Variants in TBC1D1 observed in about 807,000 individuals in gnomAD.
TBC1D1 encodes TBC1 (tre-2/USP6, BUB2, cdc16) domain family, member 1.
In TBC1D1, 89 loss-of-function variants were observed where a neutral mutation model predicts 125.6. The ratio of observed to expected loss-of-function variants is 0.71; its 90% CI spans 0.60 to 0.85. The LOEUF (loss-of-function observed/expected upper bound fraction) is 0.85, where lower values mean the gene tolerates loss of function less well. Ranked by LOEUF, TBC1D1 falls within the 40% of genes least tolerant of loss-of-function variation. TBC1D1 has a pLI of 0.00. For missense variants in TBC1D1, 1,377 were observed against 1,469.2 expected (o/e 0.94, Z 1.03); for synonymous variants, 565 against 564.1 (o/e 1.00, Z -0.02).
At chr4:37,919,393 G>A (rs1720442955) in intron 2 of TBC1D1, among the ~76,000 whole-genome samples, 1 of 150,948 alleles carries the variant, frequency 6.6e-6, no homozygotes, top group Non-Finnish European at 1.5e-5. Context: ...ACTGTGTTGG[G>A]TAGGCTGTTC....
At position 38,020,489 on chromosome 4, in the gene TBC1D1, TAAA is replaced by T. The variant is rs917858783; in HGVS notation, c.973-99_973-97del. Reference sequence around the variant, plus strand: ...GTAAAATTCCATCTCAAAAAGATAATAAAAAGTAAAATAAATTGTGCTGTATAA... The same window carrying T: ...GTAAAATTCCATCTCAAAAAGATAATAAGTAAAATAAATTGTGCTGTATAA... On this transcript the variant is annotated intron_variant, in intron 4 of 19. Coordinates refer to ENST00000261439, the MANE Select transcript of TBC1D1 (RefSeq NM_015173.4). The T allele has an allele frequency of 5.3e-6, 5 of 938,652 alleles. No homozygotes were observed. The African/African-American group carries it at 8.3e-5, about 16-fold the overall frequency. The allele number at this position is 938,652 out of a possible 1,614,324, so 58.1% of individuals were successfully genotyped here.
At chr4:38,003,777 A>T (rs1739526966) in intron 2 of TBC1D1, among the ~76,000 whole-genome samples, 1 of 151,732 alleles carries the variant, frequency 6.6e-6, no homozygotes, top group Admixed American at 6.6e-5. Context: ...CTGAAATGGG[A>T]TAATCGCTCA....
At chr4:37,920,292 C>G (rs910772137) in intron 2 of TBC1D1, among the ~76,000 whole-genome samples, 1 of 152,062 alleles carries the variant, frequency 6.6e-6, no homozygotes, top group East Asian at 1.9e-4. Context: ...AATGTCATCT[C>G]GTAAGAGGTA....
At chr4:38,042,423 T>A (rs1368921713) in intron 8 of TBC1D1, among the ~76,000 whole-genome samples, 1 of 151,062 alleles carries the variant, frequency 6.6e-6, no homozygotes, top group Non-Finnish European at 1.5e-5. Flanking sequence ...CCTGGCTAAT[T>A]TTTATATTTT....
chr4:37,902,610 G>T, intron 2 of TBC1D1, 98 bp downstream of exon 2: 1 of 967,890 alleles, frequency 1.0e-6, no homozygotes, highest in South Asian at 1.9e-5. Context: ...AAATGAATAA[G>T]GAATTAATGC....
At chr4:38,041,318 G>C (rs894538947) in intron 8 of TBC1D1, among the ~76,000 whole-genome samples, 2 of 152,196 alleles carry the variant, frequency 1.3e-5, no homozygotes, top group African/African-American at 4.8e-5. Flanking sequence ...TTTTTAAAAA[G>C]TGACAATACC....
intron 10 of TBC1D1, among the ~76,000 whole-genome samples, chr4:38,046,713 T>C (rs1749557282): frequency 6.6e-6 from 1 of 152,230 alleles, no homozygotes; most frequent in African/African-American, 2.4e-5. Context: ...AATGAAACAT[T>C]ACTGTTTTAT....
At chr4:38,085,482 G>A (rs1757332104) in intron 12 of TBC1D1, among the ~76,000 whole-genome samples, 1 of 152,144 alleles carries the variant, frequency 6.6e-6, no homozygotes, top group African/African-American at 2.4e-5. Flanking sequence ...GGCAGTCGGC[G>A]GTGAATATCA....
intron 15 of TBC1D1, chr4:38,110,485 T>C: frequency 2.0e-6 from 2 of 985,454 alleles, no homozygotes; most frequent in Non-Finnish European, 2.4e-6. Context: ...GAGCAAAATT[T>C]TGTGGAGCAC....
intron 2 of TBC1D1, among the ~76,000 whole-genome samples, chr4:37,937,865 C>T (rs1188640109): frequency 6.6e-6 from 1 of 152,084 alleles, no homozygotes; most frequent in Admixed American, 6.6e-5. Flanking sequence ...CAGACTGGCT[C>T]TTGGTGCTGT....
At chr4:38,136,307 C>T (rs1766602254) in intron 19 of TBC1D1, among the ~76,000 whole-genome samples, 1 of 152,162 alleles carries the variant, frequency 6.6e-6, no homozygotes, top group South Asian at 2.1e-4. Context: ...ATCCTCATTC[C>T]TCCTCTGTAG....
Position 38,096,085 on chromosome 4 carries a change from G to C in TBC1D1, c.2393G>C (p.Gly798Ala). 6.2e-7 allele frequency: 1 copy of C among 1,612,292 alleles called. No individual in the cohort carries two copies. Among genetic ancestry groups the C allele is most frequent in the Non-Finnish European group, 8.5e-7 (1 of 1,178,974 alleles). The stretch of plus-strand genomic sequence containing the variant: ...ATGGAAAAAATGCACTCGGCTGTTG[G>C]GCAAGGTAAGCTTCATTGGGAAGCA... Residue 798 changes from glycine (G) to alanine (A), a missense_variant, in exon 14 of 20, where the codon GGG becomes GCG. By Grantham distance (60) the Gly-to-Ala change is moderately conservative. Around this residue, in one of 3 missense-constraint regions of TBC1D1, gnomAD observed 543 missense variants for 613.5 expected, o/e 0.89. Transcript: ENST00000261439.
Position 37,956,621 on chromosome 4 carries a change from G to C in TBC1D1, c.417+54109G>C, listed in dbSNP as rs78856247. Among the ~76,000 whole-genome samples the C allele has an allele frequency of 2.0e-3, 309 of 152,234 alleles. 6 individuals are homozygous for C. In the East Asian group the frequency reaches 0.044, roughly 22 times the overall value. On this transcript the variant is annotated intron_variant, in intron 2 of 19. Transcript: ENST00000261439. ...CCTTGACCTCATGTGATATGCTCAG[G>C]GACGCCAACTAATGTTAGTATTAAC... is the stretch of plus-strand genomic sequence containing the variant.
At chr4:38,044,548 T>G (rs1749040266) in intron 9 of TBC1D1, 58 bp downstream of exon 9, 11 of 1,526,414 alleles carry the variant, frequency 7.2e-6, no homozygotes, top group Non-Finnish European at 3.5e-6. Context: ...GAGTGTAAGA[T>G]TGAGTTCTAT....
intron 10 of TBC1D1, 91 bp from the exon 11 acceptor site, chr4:38,049,527 T>C (rs921655410): frequency 7.0e-7 from 1 of 1,423,526 alleles, no homozygotes; most frequent in African/African-American, 1.4e-5. Context: ...CATACTTAGA[T>C]ACTGCAATGT....
chr4:37,906,459 T>TA (rs1253229163), intron 2 of TBC1D1, among the ~76,000 whole-genome samples: 1 of 152,218 alleles, frequency 6.6e-6, no homozygotes, highest in Non-Finnish European at 1.5e-5. Flanking sequence ...CATCCTTTCT[T>TA]AAAATGAGTT....
intron 19 of TBC1D1, among the ~76,000 whole-genome samples, chr4:38,134,278 T>G (rs1289460285): frequency 6.6e-6 from 1 of 152,172 alleles, no homozygotes; most frequent in African/African-American, 2.4e-5. Context: ...CTATCTGAAA[T>G]GCATTCCTCC....
chr4:37,979,087 G>A (rs541017972), intron 2 of TBC1D1, among the ~76,000 whole-genome samples: 14 of 152,194 alleles, frequency 9.2e-5, no homozygotes, highest in African/African-American at 2.2e-4. Context: ...ATATTGGCCC[G>A]GCAGGTCTCG....
At chr4:37,909,786 T>A (rs1577799669) in intron 2 of TBC1D1, among the ~76,000 whole-genome samples, 1 of 152,206 alleles carries the variant, frequency 6.6e-6, no homozygotes, top group East Asian at 1.9e-4. Context: ...ACTGGGCACC[T>A]TTAATCCCAG....
Sources: gnomAD v4.1 joint callset for allele counts (sites outside exome capture counted in the v4.1 genomes callset) on GRCh38, gnomAD v4.1.1 for gene constraint, gnomAD v4.1.1 regional missense constraint, MANE v1.5 for transcripts, NCBI Gene and HGNC (gene_info 2026-07-23, HGNC 2026-07-21) for gene names.